PHACTR3: variants seen among roughly 807,000 people sequenced by gnomAD.
PHACTR3 encodes the protein protein phosphatase 1, regulatory subunit 123.
In PHACTR3, 16 loss-of-function variants were observed where a neutral mutation model predicts 66.8. That is an observed-to-expected ratio of 0.24 (90% CI 0.16 to 0.36). PHACTR3 has a LOEUF of 0.36. Among genes scored for constraint, PHACTR3 ranks in the 10% least tolerant of loss-of-function variants. The pLI is 1.00. For synonymous variants in PHACTR3, 323 were observed against 292.1 expected, an observed-to-expected ratio of 1.11 and a Z score of -1.08; for missense variants, 647 against 719.9, an observed-to-expected ratio of 0.90 and a Z score of 1.16.
chr20:59,719,514 A>G (rs929212293), intron 1 of PHACTR3, among the ~76,000 whole-genome samples: 2 of 152,144 alleles, frequency 1.3e-5, no homozygotes, highest in Non-Finnish European at 2.9e-5. Context: ...TCTTCTTGAG[A>G]GAGTTTCAAA....
intron 1 of PHACTR3, among the ~76,000 whole-genome samples, chr20:59,742,466 G>GTGCTCACAGAAA (rs2039202238): frequency 1.2e-5 from 1 of 80,404 alleles, no homozygotes; most frequent in African/African-American, 1.4e-4. Context: ...GCTCACAGAC[G>GTGCTCACAGAAA]TGCTCACAGA....
intron 4 of PHACTR3, among the ~76,000 whole-genome samples, chr20:59,756,325 G>A (rs1483330559): frequency 6.6e-6 from 1 of 152,178 alleles, no homozygotes; most frequent in African/African-American, 2.4e-5. Flanking sequence ...GCGTCTCTCC[G>A]TGAGTGTGGG....
rs1429803238 is a variant in PHACTR3, at chr20:59,577,537, G to A, written c.29G>A (p.Arg10His). Residue 10 changes from arginine to histidine, a missense_variant, in exon 1 of 13, where the codon CGC becomes CAC. Physicochemically the swap from Arg to His is conservative, Grantham distance 29. Transcript: ENST00000359926. Reference sequence around the variant, plus strand: ...CGTGGCCGTGGCGGGGGGCGCGCCCGCTGTCCTGCGCCCCTGCGCTCGCTG... The same window carrying A: ...CGTGGCCGTGGCGGGGGGCGCGCCCACTGTCCTGCGCCCCTGCGCTCGCTG... 4.3e-6 allele frequency: 5 copies of A among 1,172,952 alleles called. No homozygotes were observed. In the South Asian group the frequency reaches 1.7e-4, roughly 39 times the overall value. The allele number at this position is 1,172,952 out of a possible 1,614,324, so 72.7% of individuals were successfully genotyped here.
intron 1 of PHACTR3, among the ~76,000 whole-genome samples, chr20:59,710,769 T>TCACTCACC (rs2037885541): frequency 6.6e-6 from 1 of 150,740 alleles, no homozygotes; most frequent in African/African-American, 2.4e-5. Context: ...ACCATGGCTT[T>TCACTCACC]CCCTCACCCA....
At chr20:59,690,353 A>G (rs1392840935) in intron 1 of PHACTR3, among the ~76,000 whole-genome samples, 2 of 152,186 alleles carry the variant, frequency 1.3e-5, no homozygotes, top group Non-Finnish European at 2.9e-5. Flanking sequence ...CCATCACGTC[A>G]TCCTGTCTGA....
rs114276716 is a variant in PHACTR3 at position 59,769,705 on chromosome 20, A to T, written c.751+2310A>T. On this transcript the variant is annotated intron_variant, in intron 5 of 12. Transcript: ENST00000371015. ...TCCAAGTGCAGGCATAGTACAGGGC[A>T]TACAGCAGGCACTCAGCAAGTGCAG... Among the ~76,000 whole-genome samples, 1,340 of 152,352 alleles carry T rather than the reference A, an allele frequency of 8.8e-3. 21 individuals carry two copies. The highest frequency in any genetic ancestry group is 0.031 in the African/African-American group (1,271 of 41,582).
chr20:59,710,096 G>A (rs896346849), intron 1 of PHACTR3, among the ~76,000 whole-genome samples: 1 of 152,124 alleles, frequency 6.6e-6, no homozygotes. Context: ...CTGGCTTGAG[G>A]TCTTTTCTTC....
chr20:59,655,384 G>A (rs1386568811), intron 1 of PHACTR3, among the ~76,000 whole-genome samples: 1 of 151,880 alleles, frequency 6.6e-6, no homozygotes, highest in African/African-American at 2.4e-5. Context: ...CATCACAATT[G>A]GTAGTCTTTG....
At chr20:59,732,427 C>T (rs750758075) in intron 1 of PHACTR3, among the ~76,000 whole-genome samples, 1 of 152,154 alleles carries the variant, frequency 6.6e-6, no homozygotes. Flanking sequence ...GGTGGCCTCC[C>T]TTTGGGCATT....
chr20:59,843,185 C>G (rs937562654), intron 11 of PHACTR3, among the ~76,000 whole-genome samples: 1 of 151,996 alleles, frequency 6.6e-6, no homozygotes, highest in Admixed American at 6.6e-5. Flanking sequence ...ACAAGGAAAA[C>G]TACAAAACAA....
intron 5 of PHACTR3, among the ~76,000 whole-genome samples, chr20:59,768,177 C>T (rs183351312): frequency 1.3e-3 from 197 of 152,322 alleles, no homozygotes; most frequent in African/African-American, 4.3e-3. Context: ...ACTTTGCAAG[C>T]TTAGGTATTT....
intron 3 of PHACTR3, among the ~76,000 whole-genome samples, chr20:59,749,230 G>T (rs111712900): frequency 6.6e-6 from 1 of 152,158 alleles, no homozygotes; most frequent in Non-Finnish European, 1.5e-5. Flanking sequence ...TTGCCAACAA[G>T]CATACCTTTG....
chr20:59,688,663 T>G (rs977285253), intron 1 of PHACTR3, among the ~76,000 whole-genome samples: 1 of 152,310 alleles, frequency 6.6e-6, no homozygotes, highest in East Asian at 1.9e-4. Context: ...CTCCCTGACC[T>G]TTTTTTGATT....
rs544251667 is a variant in PHACTR3 at position 59,806,766 on chromosome 20, G to A, written c.1328+572G>A. ...TGTTGTTGTGGGAACATCACAGAGC[G>A]CACTACACAAACCCAGAGGGCGCGG... On this transcript the variant is annotated intron_variant, in intron 8 of 12. Transcript: ENST00000371015. Among the ~76,000 whole-genome samples, 14 of 152,268 alleles carry A rather than the reference G, an allele frequency of 9.2e-5. No homozygotes were observed. In the East Asian group the frequency reaches 2.1e-3, roughly 23 times the overall value.
In PHACTR3 at chr20:59,706,802, A is replaced by T. The variant is rs140238416; in HGVS notation, c.119-36305A>T. ...CCCAGACTAGACGCACAGCAGGGAA[A>T]CCATGCCCAGCCTGGTTCCCTGGGG... On this transcript the variant is annotated intron_variant, in intron 1 of 12. Transcript: ENST00000371015. 5.8e-4 allele frequency among the ~76,000 whole-genome samples: 88 copies of T among 152,194 alleles called. No individual in the cohort carries two copies. In the East Asian group the frequency reaches 0.016, roughly 28 times the overall value.
intron 1 of PHACTR3, among the ~76,000 whole-genome samples, chr20:59,729,289 A>C (rs1445915373): frequency 6.6e-6 from 1 of 152,126 alleles, no homozygotes; most frequent in African/African-American, 2.4e-5. Flanking sequence ...CTGAGTGACC[A>C]TTCACTTGGC....
At chr20:59,828,725 AG>A (rs1264623875) in intron 8 of PHACTR3, among the ~76,000 whole-genome samples, 1 of 151,768 alleles carries the variant, frequency 6.6e-6, no homozygotes, top group Non-Finnish European at 1.5e-5. Flanking sequence ...TGGGAGTAGG[AG>A]GGGCTGCTGG....
At position 59,593,509 on chromosome 20, in the gene PHACTR3, C is replaced by T. The variant is rs150605171; in HGVS notation, c.109+15892C>T. 3.1e-3 allele frequency among the ~76,000 whole-genome samples: 478 copies of T among 151,752 alleles called. 3 individuals carry two copies. The highest frequency in any genetic ancestry group is 0.011 in the African/African-American group (457 of 41,346). On this transcript the variant is annotated intron_variant, in intron 1 of 12. Transcript: ENST00000359926. Reference sequence around the variant, plus strand: ...AGTAGACTTTTTTTTTTAATGAAGTCCAGTATATCAATTATTTCTTTCAAG... The same window carrying T: ...AGTAGACTTTTTTTTTTAATGAAGTTCAGTATATCAATTATTTCTTTCAAG...
At chr20:59,629,149 G>C (rs541782351) in intron 1 of PHACTR3, among the ~76,000 whole-genome samples, 3 of 152,366 alleles carry the variant, frequency 2.0e-5, no homozygotes, top group Admixed American at 2.0e-4. Flanking sequence ...AGGCCCCTTG[G>C]CTCCTGAAGT....
Sources: gnomAD v4.1 joint callset for allele counts (sites outside exome capture counted in the v4.1 genomes callset) on GRCh38, gnomAD v4.1.1 for gene constraint, MANE v1.5 for transcripts, NCBI Gene and HGNC (gene_info 2026-07-23, HGNC 2026-07-21) for gene names.